MAN1A2: variants seen among roughly 807,000 people sequenced by gnomAD.
MAN1A2 encodes the protein mannosyl-oligosaccharide 1,2-alpha-mannosidase IB.
Under a neutral mutation model 75.7 loss-of-function variants are expected in MAN1A2, and 26 were observed. That is an observed-to-expected ratio of 0.34 (90% CI 0.25 to 0.48). MAN1A2 has a LOEUF of 0.48. Among genes scored for constraint, MAN1A2 ranks in the 20% least tolerant of loss-of-function variants. MAN1A2 has a pLI of 0.99. For synonymous variants in MAN1A2, 247 were observed against 264.6 expected (o/e 0.93, Z 0.65); for missense variants, 562 against 775.5 (o/e 0.72, Z 3.27).
intron 5 of MAN1A2, among the ~76,000 whole-genome samples, chr1:117,440,624 A>G (rs934489825): frequency 1.3e-5 from 2 of 152,058 alleles, no homozygotes; most frequent in African/African-American, 4.8e-5. Flanking sequence ...ATAACTGTTT[A>G]TATGTTAATT....
chr1:117,394,430 A>T (rs537954237), intron 1 of MAN1A2, among the ~76,000 whole-genome samples: 1 of 152,302 alleles, frequency 6.6e-6, no homozygotes, highest in African/African-American at 2.4e-5. Flanking sequence ...GTACAATCAA[A>T]TTGAAGCCGT....
chr1:117,503,448 G>A (rs931094897), intron 12 of MAN1A2, among the ~76,000 whole-genome samples: 13 of 151,362 alleles, frequency 8.6e-5, no homozygotes, highest in African/African-American at 2.2e-4. Context: ...TCATCCACCC[G>A]ATGAGCCTTA....
chr1:117,395,929 T>G (rs960579275), intron 1 of MAN1A2, among the ~76,000 whole-genome samples: 1 of 152,292 alleles, frequency 6.6e-6, no homozygotes, highest in South Asian at 2.1e-4. Context: ...AAGAAACACA[T>G]AGGGTGAAGT....
intron 1 of MAN1A2, among the ~76,000 whole-genome samples, chr1:117,400,369 T>G (rs1365107338): frequency 6.6e-6 from 1 of 151,766 alleles, no homozygotes; most frequent in Non-Finnish European, 1.5e-5. Context: ...TAATACTAGA[T>G]AATATTAGAT....
At position 117,405,349 on chromosome 1, in the gene MAN1A2, C is replaced by A. The variant is rs190373628; in HGVS notation, c.559-200C>A. Among the ~76,000 whole-genome samples, 867 of 151,844 alleles carry A rather than the reference C, an allele frequency of 5.7e-3. 45 individuals carry two copies. In the East Asian group the frequency reaches 0.13, roughly 22 times the overall value. ...AAGAAAGAAGACTTTTCTATTATGC[C>A]CATTTTTTTCCTGTCATATAGATGA... On this transcript the variant is annotated intron_variant, in intron 2 of 12. Transcript: ENST00000356554.
intron 12 of MAN1A2, among the ~76,000 whole-genome samples, chr1:117,518,197 A>C (rs1456070881): frequency 6.6e-6 from 1 of 152,022 alleles, no homozygotes; most frequent in East Asian, 1.9e-4. Flanking sequence ...AAAAGAACTC[A>C]AAAAGTACCA....
At chr1:117,396,033 G>C (rs565341813) in intron 1 of MAN1A2, among the ~76,000 whole-genome samples, 2 of 152,192 alleles carry the variant, frequency 1.3e-5, no homozygotes, top group Non-Finnish European at 2.9e-5. Context: ...ATGCATGATT[G>C]CCAACCTGGT....
intron 8 of MAN1A2, among the ~76,000 whole-genome samples, chr1:117,480,295 A>G (rs74944146): frequency 0.041 from 6,237 of 152,014 alleles, 199 homozygotes; most frequent in Non-Finnish European, 0.063. Context: ...TAGAGAGTCC[A>G]TAGGTCTGTG....
At chr1:117,518,126 A>T (rs890672412) in intron 12 of MAN1A2, among the ~76,000 whole-genome samples, 17 of 152,010 alleles carry the variant, frequency 1.1e-4, no homozygotes, top group African/African-American at 4.1e-4. Context: ...TTACTATAAA[A>T]CAAAGACAAA....
chr1:117,403,536 A>AC (rs982601073), intron 2 of MAN1A2, among the ~76,000 whole-genome samples: 9 of 152,024 alleles, frequency 5.9e-5, no homozygotes, highest in African/African-American at 2.2e-4. Flanking sequence ...TGTTCAGGGG[A>AC]CCCCCAGATG....
chr1:117,468,608 T>C (rs1358015340), intron 8 of MAN1A2, among the ~76,000 whole-genome samples: 2 of 152,064 alleles, frequency 1.3e-5, no homozygotes, highest in African/African-American at 4.8e-5. Flanking sequence ...TATTAAATTT[T>C]AATTTAATTA....
At chr1:117,380,880 C>G (rs944363381) in intron 1 of MAN1A2, among the ~76,000 whole-genome samples, 1 of 152,094 alleles carries the variant, frequency 6.6e-6, no homozygotes, top group African/African-American at 2.4e-5. Context: ...TGAATATTGG[C>G]TTTTCAATTT....
chr1:117,488,512 T>G (rs1650784840), intron 8 of MAN1A2, among the ~76,000 whole-genome samples: 1 of 152,018 alleles, frequency 6.6e-6, no homozygotes, highest in Non-Finnish European at 1.5e-5. Flanking sequence ...GGCCATTTTA[T>G]ATAGTGTTCA....
chr1:117,508,023 C>T (rs1454691203), intron 12 of MAN1A2, among the ~76,000 whole-genome samples: 5 of 151,648 alleles, frequency 3.3e-5, no homozygotes, highest in Non-Finnish European at 7.4e-5. Flanking sequence ...ATATCTCCCA[C>T]GTGGATTCTC....
chr1:117,516,105 C>A (rs1651707541), intron 12 of MAN1A2, among the ~76,000 whole-genome samples: 1 of 152,010 alleles, frequency 6.6e-6, no homozygotes, highest in Non-Finnish European at 1.5e-5. Context: ...CTCCATTATT[C>A]CTAAAATATT....
chr1:117,444,626 T>C (rs1479812513), intron 6 of MAN1A2, among the ~76,000 whole-genome samples: 1 of 152,064 alleles, frequency 6.6e-6, no homozygotes, highest in East Asian at 1.9e-4. Context: ...GACTAGTGAA[T>C]TTTGAACATC....
At chr1:117,483,431 G>C (rs1387630652) in intron 8 of MAN1A2, among the ~76,000 whole-genome samples, 1 of 152,062 alleles carries the variant, frequency 6.6e-6, no homozygotes, top group African/African-American at 2.4e-5. Flanking sequence ...GTGGTTTGTA[G>C]TTCCCCTTGA....
At chr1:117,482,780 A>G (rs1387678738) in intron 8 of MAN1A2, among the ~76,000 whole-genome samples, 9 of 152,052 alleles carry the variant, frequency 5.9e-5, no homozygotes, top group African/African-American at 2.2e-4. Flanking sequence ...TTTTGTTGCC[A>G]TTGCTTTTGG....
intron 8 of MAN1A2, among the ~76,000 whole-genome samples, chr1:117,470,722 T>C (rs1235875195): frequency 6.6e-6 from 1 of 152,030 alleles, no homozygotes; most frequent in Non-Finnish European, 1.5e-5. Flanking sequence ...TTGTTCCTTT[T>C]AATGTTTTTG....
Sources: gnomAD v4.1 joint callset for allele counts (sites outside exome capture counted in the v4.1 genomes callset) on GRCh38, gnomAD v4.1.1 for gene constraint, MANE v1.5 for transcripts, NCBI Gene and HGNC (gene_info 2026-07-23, HGNC 2026-07-21) for gene names.